Variants in PCDH15 observed in about 807,000 individuals in gnomAD.
The protein encoded by PCDH15 is protocadherin-15.
Under a neutral mutation model 178.5 loss-of-function variants are expected in PCDH15, and 129 were observed. That is an observed-to-expected ratio of 0.72 (90% CI 0.63 to 0.84). The LOEUF (loss-of-function observed/expected upper bound fraction) is 0.84. Among genes scored for constraint, PCDH15 ranks in the 40% least tolerant of loss-of-function variants. The pLI is 0.00. For missense variants in PCDH15, 2,230 were observed against 2,099.9 expected (o/e 1.06, Z -1.21); for synonymous variants, 800 against 732.0 (o/e 1.09, Z -1.50).
intron 2 of PCDH15, among the ~76,000 whole-genome samples, chr10:54,901,457 G>T (rs1357819688): frequency 6.6e-6 from 1 of 152,108 alleles, no homozygotes; most frequent in African/African-American, 2.4e-5. Flanking sequence ...ATAAGACACA[G>T]ATAATTTTAT....
chr10:54,378,864 T>A lies in PCDH15; in HGVS notation c.236A>T (p.Asp79Val). 6.2e-7 allele frequency: 1 copy of A among 1,613,842 alleles called. No individual in the cohort carries two copies. The highest frequency in any genetic ancestry group is 8.5e-7 in the Non-Finnish European group (1 of 1,179,830). ...PDPTIELSLK[D>V]NVDYWVLMDP... is the part of the protein sequence containing the mutation. ...CATCAACACCCAGTAATCCACATTA[T>A]CCTTTAAAGAAAGTTCTATGGTGGG... Residue 79 changes from aspartate (D) to valine (V), a missense_variant, in exon 4 of 38, where the codon GAT becomes GTT. Asp to Val is a radical substitution (Grantham distance 152). Transcript: ENST00000644397.
intron 2 of PCDH15, among the ~76,000 whole-genome samples, chr10:54,561,396 C>T (rs1259784428): frequency 1.3e-5 from 2 of 152,126 alleles, no homozygotes; most frequent in African/African-American, 4.8e-5. Context: ...TAATATCTAT[C>T]AATAAAACTA....
intron 16 of PCDH15, among the ~76,000 whole-genome samples, chr10:54,085,282 GA>G (rs977277310): frequency 2.3e-4 from 35 of 151,876 alleles, no homozygotes; most frequent in Admixed American, 9.2e-4. Flanking sequence ...TGCAAGTGAA[GA>G]AAAAAAATTT....
intron 1 of PCDH15, among the ~76,000 whole-genome samples, chr10:54,726,074 G>C (rs940367972): frequency 1.3e-5 from 2 of 151,378 alleles, no homozygotes; most frequent in African/African-American, 2.4e-5. Context: ...TATAGAATAA[G>C]AGCTTTACAT....
intron 2 of PCDH15, among the ~76,000 whole-genome samples, chr10:54,598,846 C>G (rs1373226694): frequency 6.6e-6 from 1 of 151,790 alleles, no homozygotes; most frequent in Non-Finnish European, 1.5e-5. Context: ...AAGCTGAGAG[C>G]CAAATCAGGA....
At position 54,988,490 on chromosome 10, in the gene PCDH15, G is replaced by A. The variant is rs1425661364; in HGVS notation, c.-79-90990C>T. On this transcript the variant is annotated intron_variant, in intron 2 of 5. Coordinates refer to the PCDH15 transcript ENST00000458638. ...TGGCCAAAAGGTTGATAGTGATATG[G>A]ACAATAAAGCCCAGGCTGAGGTGGT... is the stretch of plus-strand genomic sequence containing the variant. 3.9e-5 allele frequency among the ~76,000 whole-genome samples: 6 copies of A among 152,308 alleles called. No homozygotes were observed. In the East Asian group the frequency reaches 1.2e-3, roughly 29 times the overall value.
At chr10:54,554,615 T>A (rs186651122) in intron 2 of PCDH15, among the ~76,000 whole-genome samples, 250 of 152,168 alleles carry the variant, frequency 1.6e-3, no homozygotes, top group Non-Finnish European at 2.6e-3. Flanking sequence ...TCCATCTCAT[T>A]ATAAAAAGAG....
intron 2 of PCDH15, among the ~76,000 whole-genome samples, chr10:55,093,591 T>C (rs1456608341): frequency 6.6e-6 from 1 of 152,096 alleles, no homozygotes. Flanking sequence ...GGTTTTCTTC[T>C]AGTGTTTTTA....
chr10:55,442,469 A>G (rs1380318572), intron 2 of PCDH15, among the ~76,000 whole-genome samples: 1 of 68,694 alleles, frequency 1.5e-5, no homozygotes, highest in South Asian at 5.1e-4. Context: ...ATATATATAT[A>G]TTATATATAT....
chr10:55,091,359 T>A (rs1473831278), intron 2 of PCDH15, among the ~76,000 whole-genome samples: 4 of 152,010 alleles, frequency 2.6e-5, no homozygotes, highest in Non-Finnish European at 5.9e-5. Flanking sequence ...TTTTGCATTC[T>A]ATAGAGTTTG....
intron 2 of PCDH15, among the ~76,000 whole-genome samples, chr10:55,034,725 C>T (rs547409961): frequency 3.3e-5 from 5 of 152,188 alleles, no homozygotes; most frequent in Admixed American, 3.3e-4. Context: ...AGTAAACAGA[C>T]ATTCTAAAAA....
At chr10:54,646,108 G>A (rs2094125431) in intron 2 of PCDH15, among the ~76,000 whole-genome samples, 1 of 151,726 alleles carries the variant, frequency 6.6e-6, no homozygotes, top group Non-Finnish European at 1.5e-5. Context: ...TCTTTTCTTT[G>A]TTTATATGAA....
Position 55,003,815 on chromosome 10 carries a change from G to T in PCDH15, c.-79-106315C>A, listed in dbSNP as rs370058932. 5.0e-4 allele frequency among the ~76,000 whole-genome samples: 76 copies of T among 152,292 alleles called. 2 individuals carry two copies. The South Asian group carries it at 0.015, about 29-fold the overall frequency. On this transcript the variant is annotated intron_variant, in intron 2 of 5. Transcript: ENST00000458638. ...TCATACCTTATCTACACATTCCTTT[G>T]CAGGGTTTCTGGCCTGTGGTTAAGT... is the stretch of plus-strand genomic sequence containing the variant.
At chr10:55,567,467 T>C (rs4642984) in intron 2 of PCDH15, among the ~76,000 whole-genome samples, 50,783 of 150,066 alleles carry the variant, frequency 0.34, 8,852 homozygotes, top group East Asian at 0.49. Context: ...TAAAAATGCA[T>C]GCATCAAAAG....
intron 3 of PCDH15, among the ~76,000 whole-genome samples, chr10:54,858,963 G>A (rs183642372): frequency 1.1e-3 from 164 of 152,122 alleles, no homozygotes; most frequent in African/African-American, 3.8e-3. Flanking sequence ...TTGCTCCTAG[G>A]TTTAAAGGAG....
chr10:54,014,533 A>G (rs931241939), intron 20 of PCDH15, among the ~76,000 whole-genome samples: 12 of 151,942 alleles, frequency 7.9e-5, no homozygotes, highest in Admixed American at 5.2e-4. Context: ...ATACTGGCAA[A>G]CCAGCAGCAC....
intron 1 of PCDH15, among the ~76,000 whole-genome samples, chr10:55,230,103 T>C (rs1462999711): frequency 6.6e-6 from 1 of 152,002 alleles, no homozygotes; most frequent in Non-Finnish European, 1.5e-5. Context: ...GTAATCTAAA[T>C]TGTATTCAAT....
At chr10:54,999,527 A>G (rs899452756) in intron 2 of PCDH15, among the ~76,000 whole-genome samples, 4 of 152,178 alleles carry the variant, frequency 2.6e-5, no homozygotes, top group African/African-American at 9.7e-5. Flanking sequence ...TCTTAAGATA[A>G]TTATGACGGC....
intron 2 of PCDH15, among the ~76,000 whole-genome samples, chr10:54,573,969 G>A (rs916042310): frequency 1.1e-4 from 16 of 152,156 alleles, no homozygotes; most frequent in African/African-American, 3.6e-4. Context: ...CTCCCATTGT[G>A]TAGGTTGCCT....
Sources: allele counts gnomAD v4.1 joint callset (sites outside exome capture counted in the v4.1 genomes callset), GRCh38; gene constraint gnomAD v4.1.1; transcripts MANE v1.5; gene names NCBI Gene and HGNC (gene_info 2026-07-23, HGNC 2026-07-21).